GPHN: variants seen among roughly 807,000 people sequenced by gnomAD.
GPHN encodes the protein gephyrin.
A neutral mutation model predicts 95.5 loss-of-function variants in GPHN; 17 were observed. The observed-to-expected ratio is 0.18, with a 90% CI of 0.12 to 0.27. GPHN has a LOEUF of 0.27. GPHN is among the 10% of genes least tolerant of loss of function. GPHN has a pLI of 1.00. For synonymous variants in GPHN, 320 were observed against 322.5 expected, an observed-to-expected ratio of 0.99 and a Z score of 0.08; for missense variants, 660 against 978.1, an observed-to-expected ratio of 0.67 and a Z score of 4.34.
At chr14:67,532,735 C>G in the GPHN span, among the ~76,000 whole-genome samples, 2 of 152,168 alleles carry the variant, frequency 1.3e-5, no homozygotes, top group Non-Finnish European at 2.9e-5. Flanking sequence ...TTTTCTTTTT[C>G]TCCTGCAAAT....
intron 17 of GPHN, among the ~76,000 whole-genome samples, chr14:67,134,919 T>C (rs1380784565): frequency 3.4e-5 from 5 of 148,942 alleles, no homozygotes; most frequent in Admixed American, 2.7e-4. Flanking sequence ...TCTCTCTCTT[T>C]CTTTCTCTCT....
At chr14:66,632,697 T>G (rs2063882146) in intron 1 of GPHN, among the ~76,000 whole-genome samples, 1 of 151,984 alleles carries the variant, frequency 6.6e-6, no homozygotes, top group African/African-American at 2.4e-5. Flanking sequence ...TTCACCTTGT[T>G]GGCCAGGCTG....
chr14:66,552,110 C>G (rs994991787), intron 1 of GPHN, among the ~76,000 whole-genome samples: 13 of 152,240 alleles, frequency 8.5e-5, no homozygotes, highest in South Asian at 2.1e-4. Flanking sequence ...TCATTTTTCC[C>G]CACATCTACT....
the GPHN span, among the ~76,000 whole-genome samples, chr14:67,501,044 TTAATAATAATAATAA>T: frequency 4.7e-4 from 65 of 137,368 alleles, no homozygotes; most frequent in African/African-American, 1.3e-3. Flanking sequence ...TACTTGGGGG[TTAATAATAATAATAA>T]TAATAATAAT....
the GPHN span, among the ~76,000 whole-genome samples, chr14:67,311,553 G>C: frequency 2.0e-5 from 3 of 152,100 alleles, no homozygotes; most frequent in Non-Finnish European, 4.4e-5. Context: ...ACTTGCCCAG[G>C]TTAGGTAAAA....
chr14:66,787,610 A>G (rs573977731), intron 3 of GPHN, among the ~76,000 whole-genome samples: 1 of 152,318 alleles, frequency 6.6e-6, no homozygotes, highest in East Asian at 1.9e-4. Flanking sequence ...AAGATAGTAT[A>G]GTATTGGCAG....
In GPHN at chr14:66,604,481, C is replaced by T. The variant is rs548883456; in HGVS notation, c.65-76626C>T. 2.6e-5 allele frequency among the ~76,000 whole-genome samples: 4 copies of T among 152,182 alleles called. No homozygotes were observed. The South Asian group carries it at 8.3e-4, about 32-fold the overall frequency. On this transcript the variant is annotated intron_variant, in intron 1 of 22. Coordinates refer to ENST00000478722, the MANE Select transcript of GPHN (RefSeq NM_020806.5). ...TTTGCAGACACTTGGTTATGAAACA[C>T]TATCCACTGACCGAAATATTTTTTC... is the stretch of plus-strand genomic sequence containing the variant.
chr14:67,426,488 C>T, the GPHN span, among the ~76,000 whole-genome samples: 22 of 152,296 alleles, frequency 1.4e-4, no homozygotes, highest in South Asian at 3.7e-3. Context: ...CACAAGTGGC[C>T]GGTGCGATTG....
intron 1 of GPHN, among the ~76,000 whole-genome samples, chr14:66,623,136 GTATGGCAGTGGACAAAGTCACCTCTTA>G (rs1277766247): frequency 2.6e-5 from 4 of 152,188 alleles, no homozygotes; most frequent in Non-Finnish European, 5.9e-5. Context: ...AGAGGAGCTT[GTATGGCAGTGGACAAAGTCACCTCTTA>G]TATGGCAGTG....
the GPHN span, chr14:67,393,343 G>A: frequency 1.6e-5 from 13 of 799,558 alleles, no homozygotes; most frequent in Admixed American, 1.2e-4. Context: ...AGTGGCAAAT[G>A]GTGTGACACA....
chr14:67,392,494 C>G, the GPHN span: 1 of 1,354,300 alleles, frequency 7.4e-7, no homozygotes, highest in African/African-American at 1.4e-5. Context: ...TGGCGGCTGT[C>G]AGAGGGGAAA....
the GPHN span, among the ~76,000 whole-genome samples, chr14:67,193,052 A>C: frequency 6.9e-6 from 1 of 145,204 alleles, no homozygotes; most frequent in African/African-American, 2.5e-5. Context: ...AGATATAGAT[A>C]TATCTCTATA....
the GPHN span, among the ~76,000 whole-genome samples, chr14:67,661,300 G>GTT: frequency 3.0e-3 from 259 of 86,764 alleles, 1 homozygote; most frequent in Middle Eastern, 0.028. Flanking sequence ...AAAAAAAAAA[G>GTT]TTTTTTTTTT....
the GPHN span, among the ~76,000 whole-genome samples, chr14:67,521,922 A>G: frequency 6.6e-6 from 1 of 152,298 alleles, no homozygotes; most frequent in South Asian, 2.1e-4. Flanking sequence ...CATGTTTGTA[A>G]TCCCAGCATT....
chr14:67,367,504 C>T, the GPHN span, among the ~76,000 whole-genome samples: 5 of 152,250 alleles, frequency 3.3e-5, no homozygotes, highest in African/African-American at 1.2e-4. Flanking sequence ...GCTGGGATTA[C>T]AGGCGTGAGC....
intron 18 of GPHN, among the ~76,000 whole-genome samples, chr14:67,148,412 G>A (rs916104082): frequency 3.9e-5 from 6 of 152,068 alleles, no homozygotes; most frequent in South Asian, 2.1e-4. Flanking sequence ...ATGAAAGTTT[G>A]TCCTTTATTA....
the GPHN span, among the ~76,000 whole-genome samples, chr14:67,644,266 TTAC>T: frequency 6.6e-6 from 1 of 152,222 alleles, no homozygotes; most frequent in African/African-American, 2.4e-5. Context: ...TTAACATATA[TTAC>T]TACTTTAATC....
intron 1 of GPHN, chr14:66,509,390 C>G (rs1200478170): frequency 6.6e-6 from 1 of 152,292 alleles, no homozygotes. Context: ...CCCGGTAGAG[C>G]GTCCCGAGGC....
chr14:67,070,033 G>A (rs2076220381), intron 11 of GPHN, among the ~76,000 whole-genome samples: 1 of 151,990 alleles, frequency 6.6e-6, no homozygotes. Flanking sequence ...GGTCTGTGCT[G>A]GCATTTGCTG....
Sources: allele counts gnomAD v4.1 joint callset (sites outside exome capture counted in the v4.1 genomes callset), GRCh38; gene constraint gnomAD v4.1.1; transcripts MANE v1.5; gene names NCBI Gene and HGNC (gene_info 2026-07-23, HGNC 2026-07-21).